The following LBHD1 variants were observed in gnomAD, a reference collection of about 807,000 sequenced individuals.
LBHD1 encodes LBH domain-containing protein 1.
LBHD1 carries 28 observed loss-of-function variants against 31.1 expected under a neutral mutation model. That is an observed-to-expected ratio of 0.90 (90% CI 0.67 to 1.24). LBHD1 has a LOEUF of 1.24. Ranked by LOEUF, LBHD1 falls within the 50% of genes most tolerant of loss-of-function variation. The pLI is 0.00. For missense variants in LBHD1, 350 were observed against 323.0 expected (o/e 1.08, Z -0.64); for synonymous variants, 105 against 116.5 (o/e 0.90, Z 0.63).
chr11:62,670,295 G>C, intron 1 of LBHD1: 1 of 464,404 alleles, frequency 2.2e-6, no homozygotes, highest in South Asian at 4.5e-5. Flanking sequence ...TGGGCCAAGA[G>C]TTGTGATAAC....
At chr11:62,667,172 C>A in intron 4 of LBHD1, 1 of 1,017,896 alleles carries the variant, frequency 9.8e-7, no homozygotes. Flanking sequence ...CATTTACTAG[C>A]TGGGTGCCAT....
intron 5 of LBHD1, among the ~76,000 whole-genome samples, chr11:62,664,082 G>GA (rs71056540): frequency 9.3e-3 from 612 of 65,856 alleles, no homozygotes; most frequent in East Asian, 0.023. Flanking sequence ...CAAAAAAGAG[G>GA]AAAAAAAAAA....
At chr11:62,670,389 G>C (rs540603749) in intron 1 of LBHD1, 2 of 235,058 alleles carry the variant, frequency 8.5e-6, no homozygotes, top group East Asian at 1.8e-4. Flanking sequence ...TATTTATATG[G>C]TGTTTACTCT....
At chr11:62,664,744 C>T in intron 5 of LBHD1, 105 bp downstream of exon 5, 13 of 1,382,668 alleles carry the variant, frequency 9.4e-6, no homozygotes, top group Non-Finnish European at 1.1e-5. Context: ...CCCGCATAAG[C>T]GTCAGTGCAC....
rs11546730 is a variant in LBHD1, at chr11:62,672,160, G to T, written c.-607C>A. 3.1e-5 allele frequency: 47 copies of T among 1,529,818 alleles called. No individual in the cohort carries two copies. The highest frequency in any genetic ancestry group is 3.8e-5 in the Non-Finnish European group (43 of 1,138,332). The allele number at this position is 1,529,818 out of a possible 1,614,324, so 94.8% of individuals were successfully genotyped here. A position where few individuals can be genotyped will look rare whatever the true frequency, so the allele number is the denominator to read the frequency against. ...GCGCCGGACCTTGGCTTGGGCGCAG[G>T]AATCCGAGGCAGCCTTTCTCCTTCG... On this transcript the variant is annotated 5_prime_UTR_variant, in exon 1 of 7. Coordinates refer to ENST00000354588, the MANE Select transcript of LBHD1 (RefSeq NM_024099.5).
chr11:62,666,428 T>C, intron 4 of LBHD1: 2 of 1,612,274 alleles, frequency 1.2e-6, no homozygotes, highest in Non-Finnish European at 1.7e-6. Context: ...GGCGGACCGC[T>C]GTCTCTGGGA....
chr11:62,664,979 G>A lies in LBHD1; in HGVS notation c.539-6C>T, dbSNP rs919513369. On this transcript the variant is annotated splice_region_variant and splice_polypyrimidine_tract_variant and intron_variant, in intron 4 of 6. Coordinates refer to ENST00000354588, the MANE Select transcript of LBHD1 (RefSeq NM_024099.5). ...AACAGCTTCTTCTTCAGCTCCTGCC[G>A]GGGAGAAAGATGCGAATCAGATGGA... 5 of 1,610,124 alleles carry A rather than the reference G, an allele frequency of 3.1e-6. No homozygotes were observed. The African/African-American group carries it at 4.0e-5, about 13-fold the overall frequency.
intron 3 of LBHD1, 117 bp downstream of exon 3, chr11:62,669,524 T>G: frequency 2.6e-6 from 4 of 1,510,346 alleles, no homozygotes; most frequent in Non-Finnish European, 3.5e-6. Flanking sequence ...TCACATTTAT[T>G]GAGCACCTGC....
In LBHD1 at chr11:62,667,618, G is replaced by A. The variant is rs748582235; in HGVS notation, c.443C>T (p.Thr148Ile). 1.2e-6 allele frequency: 2 copies of A among 1,614,110 alleles called. No homozygotes were observed. Among genetic ancestry groups the A allele is most frequent in the South Asian group, 2.2e-5 (2 of 91,086 alleles). ...ILEDTACLEA[T>I]NHCPFWDSTG... ...TGAGTCCCAGAAGGGACAGTGGTTG[G>A]TGGCTTCCAGACATGCTGTGTCCTC... Residue 148 changes from threonine (T) to isoleucine (I), a missense_variant, in exon 4 of 7, where the codon ACC becomes ATC. Physicochemically the swap from Thr to Ile is moderately conservative, Grantham distance 89. Coordinates refer to ENST00000354588, the MANE Select transcript of LBHD1 (RefSeq NM_024099.5).
intron 4 of LBHD1, chr11:62,666,414 G>T (rs761223693): frequency 6.2e-6 from 10 of 1,610,650 alleles, no homozygotes; most frequent in Non-Finnish European, 8.5e-6. Flanking sequence ...GCTGATAGTT[G>T]CCTGGCGGAC....
Position 62,667,520 on chromosome 11 carries a change from TACCCTC to T in LBHD1, c.535_538+2del. ...TATTTGAGGGGGAGGGAACAATACTTACCCTCAAAGCTATTAGGAGGCAGGAGATGG... is the reference window on the plus strand; with the variant it reads ...TATTTGAGGGGGAGGGAACAATACTTAAAGCTATTAGGAGGCAGGAGATGG... On this transcript the variant is annotated splice_donor_variant and coding_sequence_variant, in exon 4 of 7. Coordinates refer to ENST00000354588, the MANE Select transcript of LBHD1 (RefSeq NM_024099.5). LOFTEE classifies it high-confidence loss of function. The T allele has an allele frequency of 6.2e-7, 1 of 1,612,122 alleles. No individual in the cohort carries two copies. Among genetic ancestry groups the T allele is most frequent in the Non-Finnish European group, 8.5e-7 (1 of 1,178,220 alleles).
At chr11:62,665,154 C>CCCCCGGAGCTCCCATAGTCGCGAT in intron 4 of LBHD1, 181 bp from the exon 5 acceptor site, 1 of 934,554 alleles carries the variant, frequency 1.1e-6, no homozygotes. Flanking sequence ...TTGATCTTTC[C>CCCCCGGAGCTCCCATAGTCGCGAT]CCCCGGAGCT....
At chr11:62,666,924 A>T in intron 4 of LBHD1, 1 of 1,613,832 alleles carries the variant, frequency 6.2e-7, no homozygotes, top group South Asian at 1.1e-5. Context: ...CAGTTCTCAG[A>T]TGAGGACCCT....
At chr11:62,669,394 C>T in intron 3 of LBHD1, 1 of 963,546 alleles carries the variant, frequency 1.0e-6, no homozygotes, top group Non-Finnish European at 1.2e-6. Context: ...GAGACTCAGT[C>T]TCAAAAAAAA....
intron 1 of LBHD1, chr11:62,671,321 T>A: frequency 1.1e-6 from 1 of 874,708 alleles, no homozygotes; most frequent in Non-Finnish European, 1.6e-6. Flanking sequence ...TGTGTGTAGA[T>A]GCCCTCCATG....
chr11:62,671,835 G>T lies in LBHD1; in HGVS notation c.-282C>A. On this transcript the variant is annotated 5_prime_UTR_variant, in exon 1 of 7. Transcript: ENST00000354588. ...ACGCGCTCCTCGTTATCGTGACCCC[G>T]GGAGAGCGGCGGAAGCAGGAAATGC... 1 of 1,614,140 alleles carries T rather than the reference G, an allele frequency of 6.2e-7. No individual in the cohort carries two copies. The highest frequency in any genetic ancestry group is 8.5e-7 in the Non-Finnish European group (1 of 1,180,030).
intron 5 of LBHD1, among the ~76,000 whole-genome samples, chr11:62,664,324 TTC>T (rs1944733006): frequency 7.7e-6 from 1 of 129,718 alleles, no homozygotes. Flanking sequence ...TTTCCTGATA[TTC>T]TTTTTTTTTT....
At chr11:62,669,496 CTT>C in intron 3 of LBHD1, 143 bp downstream of exon 3, 1 of 1,499,916 alleles carries the variant, frequency 6.7e-7, no homozygotes, top group Non-Finnish European at 8.8e-7. Context: ...TGCCAGCTGC[CTT>C]TTCTCTCCCA....
At position 62,667,705 on chromosome 11, in the gene LBHD1, GTTC is replaced by G. The variant is rs1315602439; in HGVS notation, c.353_355del (p.Arg118del). 6.2e-7 allele frequency: 1 copy of G among 1,613,934 alleles called. No individual in the cohort carries two copies. Among genetic ancestry groups the G allele is most frequent in the Admixed American group, 1.7e-5 (1 of 60,000 alleles). On this transcript the variant is annotated inframe_deletion, in exon 4 of 7. Transcript: ENST00000354588. ...CCCCCAGCTGAGTCCAGCGTTAAAT[GTTC>G]TTAAAGGACTTCTAGGGTCCTGTGG...
Sources: gnomAD v4.1 joint callset for allele counts (sites outside exome capture counted in the v4.1 genomes callset) on GRCh38, gnomAD v4.1.1 for gene constraint, MANE v1.5 for transcripts, NCBI Gene and HGNC (gene_info 2026-07-23, HGNC 2026-07-21) for gene names.